Variants in PCYT1B observed in about 807,000 individuals in gnomAD.
PCYT1B encodes choline-phosphate cytidylyltransferase B.
PCYT1B carries 10 observed loss-of-function variants against 26.4 expected under a neutral mutation model. That is an observed-to-expected ratio of 0.38 (90% CI 0.23 to 0.64). The LOEUF is 0.64. Ranked by LOEUF, PCYT1B falls within the 30% of genes least tolerant of loss-of-function variation. The pLI is 0.56. For synonymous variants in PCYT1B, 131 were observed against 108.4 expected (o/e 1.21, Z -1.29); for missense variants, 161 against 292.7 (o/e 0.55, Z 3.28).
chrX:24,649,550 A>AC (rs758305515), upstream of PCYT1B, among the ~76,000 whole-genome samples: 86 of 111,891 alleles, frequency 7.7e-4, no homozygotes, highest in South Asian at 9.0e-3. Flanking sequence ...CCACTGAGCC[A>AC]CCCCTTGGTT....
chrX:24,575,445 T>G, intron 6 of PCYT1B, 127 bp from the exon 7 acceptor site: 1 of 516,051 alleles, frequency 1.9e-6, no homozygotes, highest in Non-Finnish European at 3.0e-6. Context: ...AGAGTCAAGA[T>G]GTTGCCATTT....
In PCYT1B at chrX:24,561,852, A is replaced by C. The variant is rs1183700356; in HGVS notation, c.*441T>G. The C allele has an allele frequency of 7.5e-6, 3 of 401,212 alleles. No individual in the cohort carries two copies. The Admixed American group carries it at 1.2e-4, about 17-fold the overall frequency. 33.1% of individuals were successfully genotyped at this position (401,212 alleles called of 1,213,427 possible). A position where few individuals can be genotyped will look rare whatever the true frequency, so the allele number is the denominator to read the frequency against. On this transcript the variant is annotated 3_prime_UTR_variant, in exon 8 of 8. Transcript: ENST00000379144. Reference sequence around the variant, plus strand: ...GCACTTTGCCACCTCTATTGGAAACAATTTTATTCTGGCAGAGCTGGGGTG... The same window carrying C: ...GCACTTTGCCACCTCTATTGGAAACCATTTTATTCTGGCAGAGCTGGGGTG...
chrX:24,665,506 G>A (rs1346198849), intron 1 of PCYT1B, among the ~76,000 whole-genome samples: 1 of 110,701 alleles, frequency 9.0e-6, no homozygotes, highest in East Asian at 2.9e-4. Context: ...GACCAGGCTG[G>A]TCTCGAACTC....
At chrX:24,618,949 A>G (rs373939586) in intron 2 of PCYT1B, 36 bp downstream of exon 2, 74 of 921,531 alleles carry the variant, frequency 8.0e-5, no homozygotes, top group Non-Finnish European at 9.9e-5. Context: ...AAATGTCAAG[A>G]CAGGGCCCAT....
chrX:24,669,315 G>A (rs999133869), intron 1 of PCYT1B, among the ~76,000 whole-genome samples: 1 of 109,305 alleles, frequency 9.1e-6, no homozygotes, highest in Non-Finnish European at 1.9e-5. Flanking sequence ...TCAGGAGTTC[G>A]AGACCAGCCT....
intron 4 of PCYT1B, among the ~76,000 whole-genome samples, chrX:24,589,592 T>C (rs188511644): frequency 8.9e-6 from 1 of 112,067 alleles, no homozygotes; most frequent in African/African-American, 3.2e-5. Flanking sequence ...ACGGTGGTGA[T>C]GGTGGTGACA....
intron 1 of PCYT1B, among the ~76,000 whole-genome samples, chrX:24,671,154 G>A (rs181105033): frequency 2.7e-5 from 3 of 110,327 alleles, no homozygotes; most frequent in East Asian, 2.8e-4. Flanking sequence ...ATTTTTAGTC[G>A]CGAGGGGGTT....
chrX:24,637,451 G>A (rs1020419435), intron 1 of PCYT1B, among the ~76,000 whole-genome samples: 3 of 83,128 alleles, frequency 3.6e-5, no homozygotes, highest in African/African-American at 1.7e-4. Flanking sequence ...AGACCATCCT[G>A]GCCAACATGG....
chrX:24,656,824 G>A (rs778382140), intron 1 of PCYT1B, among the ~76,000 whole-genome samples: 1 of 110,629 alleles, frequency 9.0e-6, no homozygotes, highest in Non-Finnish European at 1.9e-5. Flanking sequence ...GAGCCACTGC[G>A]CCAGGCCCAG....
chrX:24,657,401 A>G (rs1926944701), intron 1 of PCYT1B, among the ~76,000 whole-genome samples: 1 of 112,457 alleles, frequency 8.9e-6, no homozygotes, highest in Admixed American at 9.5e-5. Flanking sequence ...CAAATATATT[A>G]TCTGAATGTC....
intron 7 of PCYT1B, among the ~76,000 whole-genome samples, chrX:24,563,821 C>T (rs760077055): frequency 9.0e-5 from 10 of 111,606 alleles, no homozygotes; most frequent in Non-Finnish European, 1.9e-4. Flanking sequence ...ATTCTGACTG[C>T]TGTGTTGGGA....
At chrX:24,672,617 C>T (rs935635478) in exon 1 of PCYT1B, 2 of 1,202,620 alleles carry the variant, frequency 1.7e-6, no homozygotes, top group Admixed American at 2.2e-5. Context: ...ATGATGCACT[C>T]CTGATGGCCT....
At chrX:24,627,664 T>A (rs892990868) in intron 1 of PCYT1B, among the ~76,000 whole-genome samples, 1 of 112,168 alleles carries the variant, frequency 8.9e-6, no homozygotes, top group Non-Finnish European at 1.9e-5. Context: ...CTGGCTAATG[T>A]GTTGAGAATA....
intron 3 of PCYT1B, among the ~76,000 whole-genome samples, chrX:24,593,901 T>C (rs554305073): frequency 1.8e-5 from 2 of 111,451 alleles, no homozygotes; most frequent in African/African-American, 6.5e-5. Flanking sequence ...TATATATATA[T>C]ATGCCTCTAT....
intron 2 of PCYT1B, among the ~76,000 whole-genome samples, chrX:24,612,317 G>A (rs1039219824): frequency 8.9e-6 from 1 of 112,694 alleles, no homozygotes; most frequent in East Asian, 2.8e-4. Context: ...GACTCATGAC[G>A]TTTGCTCTTC....
intron 6 of PCYT1B, among the ~76,000 whole-genome samples, chrX:24,578,790 A>G (rs1436899709): frequency 5.4e-5 from 6 of 111,598 alleles, no homozygotes; most frequent in Non-Finnish European, 9.4e-5. Context: ...AAACCCTTCA[A>G]TCAAGTCTAA....
intron 1 of PCYT1B, among the ~76,000 whole-genome samples, chrX:24,624,095 A>C (rs61760941): frequency 0.018 from 1,904 of 105,696 alleles, 43 homozygotes; most frequent in African/African-American, 0.063. Context: ...TCAGCCTCCC[A>C]AGTAGCTGGG....
chrX:24,631,661 T>C (rs1926097586), intron 1 of PCYT1B, among the ~76,000 whole-genome samples: 1 of 112,316 alleles, frequency 8.9e-6, no homozygotes, highest in African/African-American at 3.2e-5. Context: ...GGTTAATTAG[T>C]GTCTTTAAAT....
At chrX:24,636,764 C>T (rs1190469345) in intron 1 of PCYT1B, among the ~76,000 whole-genome samples, 2 of 112,231 alleles carry the variant, frequency 1.8e-5, no homozygotes, top group Non-Finnish European at 3.8e-5. Flanking sequence ...TGAGCTTTGC[C>T]TATTTTATTT....
Sources: allele counts gnomAD v4.1 joint callset (sites outside exome capture counted in the v4.1 genomes callset), GRCh38; gene constraint gnomAD v4.1.1; transcripts MANE v1.5; gene names NCBI Gene and HGNC (gene_info 2026-07-23, HGNC 2026-07-21).